SLC24A4: variants seen among roughly 807,000 people sequenced by gnomAD.
SLC24A4 encodes the protein solute carrier family 24 member 4, also known as sodium/potassium/calcium exchanger 4.
A neutral mutation model predicts 79.0 loss-of-function variants in SLC24A4; 53 were observed. That is an observed-to-expected ratio of 0.67 (90% CI 0.54 to 0.84). SLC24A4 has a LOEUF of 0.84. Among genes scored for constraint, SLC24A4 ranks in the 40% least tolerant of loss-of-function variants. The pLI, the probability that SLC24A4 is intolerant of heterozygous loss-of-function variation, is 0.00. For missense variants in SLC24A4, 731 were observed against 822.0 expected (o/e 0.89, Z 1.35); for synonymous variants, 323 against 323.8 (o/e 1.00, Z 0.03).
At chr14:92,437,781 G>A (rs943204315) in intron 3 of SLC24A4, among the ~76,000 whole-genome samples, 3 of 152,172 alleles carry the variant, frequency 2.0e-5, no homozygotes, top group Admixed American at 2.0e-4. Context: ...GAGCAAATCA[G>A]GATTGTTATT....
At chr14:92,444,914 A>C (rs988596919) in intron 7 of SLC24A4, among the ~76,000 whole-genome samples, 4 of 139,982 alleles carry the variant, frequency 2.9e-5, no homozygotes, top group African/African-American at 8.1e-5. Context: ...ACACACACAC[A>C]CCCTATATAC....
chr14:92,369,212 TG>T (rs1296902887), intron 2 of SLC24A4, among the ~76,000 whole-genome samples: 220 of 152,244 alleles, frequency 1.4e-3, no homozygotes, highest in Non-Finnish European at 9.1e-4. Context: ...AGGTCTGACT[TG>T]GTGAGTACAA....
intron 2 of SLC24A4, among the ~76,000 whole-genome samples, chr14:92,413,334 G>T (rs544666323): frequency 4.0e-5 from 6 of 150,378 alleles, no homozygotes; most frequent in African/African-American, 1.5e-4. Context: ...GCTCCCTCCC[G>T]CCCCCCTGCC....
At chr14:92,492,921 G>A in intron 16 of SLC24A4, 1 of 451,144 alleles carries the variant, frequency 2.2e-6, no homozygotes, top group Non-Finnish European at 4.4e-6. Context: ...GATCAGGGAG[G>A]AATGTAAGAT....
chr14:92,394,745 A>G, intron 2 of SLC24A4, among the ~76,000 whole-genome samples: 1 of 152,256 alleles, frequency 6.6e-6, no homozygotes, highest in Non-Finnish European at 1.5e-5. Context: ...TTATTCTCCA[A>G]ATAACTTTGG....
chr14:92,435,201 T>C (rs1892100557), intron 3 of SLC24A4, among the ~76,000 whole-genome samples: 1 of 152,208 alleles, frequency 6.6e-6, no homozygotes, highest in African/African-American at 2.4e-5. Flanking sequence ...TGGACCTTGA[T>C]GACAAATGGT....
intron 2 of SLC24A4, among the ~76,000 whole-genome samples, chr14:92,377,495 A>T (rs1285265659): frequency 6.6e-6 from 1 of 152,212 alleles, no homozygotes; most frequent in Non-Finnish European, 1.5e-5. Flanking sequence ...TGCAGTACCC[A>T]TGTAGGAGAG....
rs1363015907 is a variant in SLC24A4 at position 92,493,459 on chromosome 14, A to G, written c.1717-17A>G. 4 of 1,613,418 alleles carry G rather than the reference A, an allele frequency of 2.5e-6. No individual in the cohort carries two copies. Among genetic ancestry groups the G allele is most frequent in the Middle Eastern group, 1.7e-4 (1 of 5,992 alleles). On this transcript the variant is annotated splice_polypyrimidine_tract_variant and intron_variant, in intron 16 of 16. Transcript: ENST00000532405. ...TCTTTGCCCTGCAAGCCCAGTTCCCACACTCTGTCCTCCCAGGTCCTCGGC... is the reference window on the plus strand; with the variant it reads ...TCTTTGCCCTGCAAGCCCAGTTCCCGCACTCTGTCCTCCCAGGTCCTCGGC...
intron 2 of SLC24A4, among the ~76,000 whole-genome samples, chr14:92,372,108 C>G (rs1415141763): frequency 6.6e-6 from 1 of 152,194 alleles, no homozygotes; most frequent in African/African-American, 2.4e-5. Flanking sequence ...ACGAAAAACT[C>G]TTGGATCTCT....
Position 92,323,958 on chromosome 14 carries a change from T to C in SLC24A4, c.128T>C (p.Leu43Ser). The part of the protein sequence containing the change: ...VCCASGLFGS[L>S]GHKTASASKR... Reference sequence around the variant, plus strand: ...TGTGCGTCCGGCCTCTTCGGCAGCTTGGGTGGGTGCTGGTACGGGTCCCCT... The same window carrying C: ...TGTGCGTCCGGCCTCTTCGGCAGCTCGGGTGGGTGCTGGTACGGGTCCCCT... Residue 43 changes from leucine (L) to serine (S), a missense_variant and splice_region_variant, in exon 1 of 17, where the codon TTG becomes TCG. Coordinates refer to ENST00000532405, the MANE Select transcript of SLC24A4 (RefSeq NM_153646.4). This position sits in a 1 kb window ranked among gnomAD's most constrained non-coding sequence, Gnocchi z 4.9. 1.2e-6 allele frequency: 2 copies of C among 1,610,076 alleles called. No homozygotes were observed. The highest frequency in any genetic ancestry group is 1.3e-5 in the African/African-American group (1 of 74,836).
chr14:92,480,258 G>A (rs1318953353), intron 12 of SLC24A4, among the ~76,000 whole-genome samples: 1 of 145,478 alleles, frequency 6.9e-6, no homozygotes, highest in Non-Finnish European at 1.5e-5. Context: ...TAAGGAGAAA[G>A]GTTTGGACAT....
intron 2 of SLC24A4, among the ~76,000 whole-genome samples, chr14:92,358,822 T>G (rs1049376892): frequency 1.3e-5 from 2 of 151,796 alleles, no homozygotes; most frequent in African/African-American, 2.4e-5. Context: ...GTGGCTGGGA[T>G]TACAGGTGCT....
At chr14:92,489,951 T>C (rs1895591668) in intron 14 of SLC24A4, among the ~76,000 whole-genome samples, 1 of 152,132 alleles carries the variant, frequency 6.6e-6, no homozygotes, top group Admixed American at 6.5e-5. Flanking sequence ...GAAGTCCAGG[T>C]TCCCAGAGAC....
rs950679111 is a variant in SLC24A4, at chr14:92,398,918, G to A, written c.242-34994G>A. On this transcript the variant is annotated intron_variant, in intron 2 of 16. Transcript: ENST00000532405. The surrounding 1 kb of genome is among the most constrained non-coding windows in gnomAD (Gnocchi z 4.1). ...GATTGGATCTTCAAGGACAAGGACC[G>A]TGTTGGTTTAAATCTGATGACACAC... Among the ~76,000 whole-genome samples, 4 of 152,318 alleles carry A rather than the reference G, an allele frequency of 2.6e-5. No individual in the cohort carries two copies. The highest frequency in any genetic ancestry group is 3.9e-4 in the East Asian group (2 of 5,192).
At chr14:92,411,715 G>A (rs1251343331) in intron 2 of SLC24A4, among the ~76,000 whole-genome samples, 1 of 152,176 alleles carries the variant, frequency 6.6e-6, no homozygotes, top group African/African-American at 2.4e-5. Context: ...CTAGGATTAT[G>A]TGCCTTCCTT....
chr14:92,476,570 A>G (rs1894778730), intron 12 of SLC24A4, among the ~76,000 whole-genome samples: 1 of 152,190 alleles, frequency 6.6e-6, no homozygotes, highest in Non-Finnish European at 1.5e-5. Context: ...GATGTAATTT[A>G]TATGCCATAA....
chr14:92,390,765 G>A (rs1040754758), intron 2 of SLC24A4, among the ~76,000 whole-genome samples: 9 of 152,172 alleles, frequency 5.9e-5, no homozygotes, highest in Non-Finnish European at 7.3e-5. Flanking sequence ...GGAACATTCC[G>A]ATTCCTATTT....
chr14:92,435,241 G>T (rs577624561), intron 3 of SLC24A4, among the ~76,000 whole-genome samples: 55 of 152,290 alleles, frequency 3.6e-4, no homozygotes, highest in African/African-American at 1.2e-3. Context: ...AATTTGAAAA[G>T]AAATAAGGGT....
At chr14:92,491,852 C>T in intron 15 of SLC24A4, 75 bp downstream of exon 15, 1 of 1,175,984 alleles carries the variant, frequency 8.5e-7, no homozygotes, top group East Asian at 2.3e-5. Flanking sequence ...CAGCCAGAGG[C>T]TCTAGGAGAC....
Sources: gnomAD v4.1 joint callset for allele counts (sites outside exome capture counted in the v4.1 genomes callset) on GRCh38, gnomAD v4.1.1 for gene constraint, Gnocchi (gnomAD v3.1) non-coding constraint, MANE v1.5 for transcripts, NCBI Gene and HGNC (gene_info 2026-07-23, HGNC 2026-07-21) for gene names.